The following GLB1 variants were observed in gnomAD, a reference collection of about 807,000 sequenced individuals.
GLB1 encodes beta-galactosidase.
A neutral mutation model predicts 74.0 loss-of-function variants in GLB1; 56 were observed. The observed-to-expected ratio is 0.76, with a 90% CI of 0.61 to 0.94. GLB1 has a LOEUF of 0.94. GLB1 is among the 40% of genes least tolerant of loss of function. GLB1 has a pLI of 0.00. For synonymous variants in GLB1, 323 were observed against 323.6 expected (o/e 1.00, Z 0.02); for missense variants, 787 against 845.5 (o/e 0.93, Z 0.86).
chr3:33,030,898 G>T, intron 10 of GLB1: 1 of 839,048 alleles, frequency 1.2e-6, no homozygotes, highest in Non-Finnish European at 1.4e-6. Context: ...GCCCCTCTCA[G>T]GAATCAGTAG....
At chr3:33,018,636 T>C in intron 12 of GLB1, 75 bp from the exon 13 acceptor site, 3 of 1,460,944 alleles carry the variant, frequency 2.1e-6, no homozygotes, top group Admixed American at 1.8e-5. Context: ...CCTAGACATG[T>C]ATGAAAGCGA....
intron 4 of GLB1, among the ~76,000 whole-genome samples, chr3:33,066,284 C>T (rs935185247): frequency 2.6e-5 from 4 of 152,020 alleles, no homozygotes; most frequent in African/African-American, 9.7e-5. Context: ...AGGGCTCAGC[C>T]CTCATAAGTA....
chr3:32,981,507 C>T, the GLB1 span, among the ~76,000 whole-genome samples: 1 of 151,874 alleles, frequency 6.6e-6, no homozygotes, highest in Admixed American at 6.6e-5. Flanking sequence ...GGCACGGTGG[C>T]TCACATCTGT....
chr3:32,999,185 G>C (rs947543546), intron 15 of GLB1, among the ~76,000 whole-genome samples: 2 of 152,320 alleles, frequency 1.3e-5, no homozygotes, highest in Middle Eastern at 3.4e-3. Flanking sequence ...ACAGTTCTCA[G>C]AACTATTTCA....
intron 15 of GLB1, among the ~76,000 whole-genome samples, chr3:32,999,368 G>C (rs1233027321): frequency 3.3e-5 from 5 of 152,146 alleles, no homozygotes; most frequent in African/African-American, 9.7e-5. Flanking sequence ...GAAGTGGGAG[G>C]GCATTACGAG....
intron 4 of GLB1, among the ~76,000 whole-genome samples, chr3:33,065,968 CAAA>C (rs35555652): frequency 1.5e-4 from 19 of 123,814 alleles, no homozygotes; most frequent in South Asian, 1.1e-3. Flanking sequence ...AACTCTGTCT[CAAA>C]AAAAAAAAAA....
the GLB1 span, among the ~76,000 whole-genome samples, chr3:32,985,816 A>G: frequency 6.6e-6 from 1 of 151,588 alleles, no homozygotes; most frequent in African/African-American, 2.4e-5. Flanking sequence ...AGCGATTGTC[A>G]TACCTCAGCC....
intron 13 of GLB1, 61 bp from the exon 14 acceptor site, chr3:33,016,901 C>A: frequency 6.3e-7 from 1 of 1,599,038 alleles, no homozygotes; most frequent in Non-Finnish European, 8.5e-7. Flanking sequence ...CAAGGAGAGG[C>A]AGCATGCTCA....
the GLB1 span, among the ~76,000 whole-genome samples, chr3:32,961,243 C>T: frequency 6.6e-6 from 1 of 152,212 alleles, no homozygotes; most frequent in Non-Finnish European, 1.5e-5. Context: ...TCCATTTGCA[C>T]CAGACTTAGA....
chr3:33,010,456 CA>C (rs149978345), intron 15 of GLB1, among the ~76,000 whole-genome samples: 2,448 of 152,252 alleles, frequency 0.016, 68 homozygotes, highest in East Asian at 0.077. Flanking sequence ...AATGTCTATT[CA>C]AGTTCTTTGC....
chr3:33,072,164 T>C (rs533444446), intron 2 of GLB1, among the ~76,000 whole-genome samples: 16 of 152,300 alleles, frequency 1.1e-4, no homozygotes, highest in African/African-American at 3.8e-4. Flanking sequence ...TGACCAAAGA[T>C]ATGGCCTTGG....
intron 7 of GLB1, 127 bp downstream of exon 7, chr3:33,053,364 G>T: frequency 1.5e-6 from 2 of 1,314,234 alleles, no homozygotes; most frequent in South Asian, 2.5e-5. Context: ...GAATGGCTAT[G>T]ACTCCACAAT....
At chr3:33,063,343 C>T (rs983311107) in intron 5 of GLB1, among the ~76,000 whole-genome samples, 23 of 151,998 alleles carry the variant, frequency 1.5e-4, no homozygotes, top group Non-Finnish European at 2.6e-4. Context: ...TATGTTTTTT[C>T]TGCTTTCTTA....
chr3:32,968,090 A>T, the GLB1 span, among the ~76,000 whole-genome samples: 1 of 152,182 alleles, frequency 6.6e-6, no homozygotes, highest in African/African-American at 2.4e-5. Context: ...GATGTACATT[A>T]ACCGAGATCA....
At chr3:33,016,922 C>A in intron 13 of GLB1, 82 bp from the exon 14 acceptor site, 2 of 1,575,410 alleles carry the variant, frequency 1.3e-6, no homozygotes, top group Admixed American at 3.5e-5. Context: ...GTTAATTTAG[C>A]ACTCATTTTC....
chr3:33,065,616 C>G, intron 4 of GLB1, 59 bp from the exon 5 acceptor site: 1 of 1,537,544 alleles, frequency 6.5e-7, no homozygotes. Flanking sequence ...AAGCCACATG[C>G]AGCCCAGGAT....
At chr3:33,009,751 T>G (rs1200958499) in intron 15 of GLB1, among the ~76,000 whole-genome samples, 1 of 152,242 alleles carries the variant, frequency 6.6e-6, no homozygotes, top group African/African-American at 2.4e-5. Flanking sequence ...AGAAACCCCA[T>G]GCCCACTTAA....
At chr3:33,082,057 C>T (rs1700341584) in intron 1 of GLB1, among the ~76,000 whole-genome samples, 1 of 152,166 alleles carries the variant, frequency 6.6e-6, no homozygotes, top group Non-Finnish European at 1.5e-5. Flanking sequence ...CCAATCCTTC[C>T]CAACAAGACT....
At chr3:33,072,777 T>C (rs1015735106) in intron 1 of GLB1, 64 bp from the exon 2 acceptor site, 2 of 1,606,756 alleles carry the variant, frequency 1.2e-6, no homozygotes, top group Admixed American at 3.4e-5. Context: ...GCCGATCCTT[T>C]GAGAGTAGCA....
Sources: allele counts gnomAD v4.1 joint callset (sites outside exome capture counted in the v4.1 genomes callset), GRCh38; gene constraint gnomAD v4.1.1; transcripts MANE v1.5; gene names NCBI Gene and HGNC (gene_info 2026-07-23, HGNC 2026-07-21).